DNPEP: variants seen among roughly 807,000 people sequenced by gnomAD.
DNPEP encodes aspartyl aminopeptidase.
Under a neutral mutation model 59.1 loss-of-function variants are expected in DNPEP, and 46 were observed. The ratio of observed to expected loss-of-function variants is 0.78; its 90% CI spans 0.61 to 0.99. The LOEUF (loss-of-function observed/expected upper bound fraction) is 0.99. DNPEP is among the 50% of genes least tolerant of loss of function. The probability of loss-of-function intolerance (pLI) is 0.00; values close to 1 mark genes in which losing one functional copy is unlikely to be tolerated. For synonymous variants in DNPEP, 229 were observed against 242.2 expected (o/e 0.95, Z 0.50); for missense variants, 617 against 649.9 (o/e 0.95, Z 0.55).
At chr2:219,395,856 G>A (rs1303024870) in intron 1 of DNPEP, among the ~76,000 whole-genome samples, 1 of 152,184 alleles carries the variant, frequency 6.6e-6, no homozygotes, top group Non-Finnish European at 1.5e-5. Flanking sequence ...GTAACCTGCT[G>A]GCCTGTGACA....
In DNPEP at chr2:219,387,162, A is replaced by G. The variant is rs1953882071; in HGVS notation, c.38T>C (p.Val13Ala). The change falls in exon 2 of 15, where the codon GTG becomes GCG. Residue 13 changes from valine to alanine, a missense_variant and splice_region_variant. Transcript: ENST00000273075. ...TTTGCGGGCCTTACCGTTCATGGCC[A>G]CCTAGGGGAGGGGGATGCTCAGACT... ...GHSPTRGAMQ[V>A]AMNGKARKEA... 1 of 1,556,414 alleles carries G rather than the reference A, an allele frequency of 6.4e-7. No individual in the cohort carries two copies. The highest frequency in any genetic ancestry group is 1.7e-4 in the Middle Eastern group (1 of 5,756).
intron 9 of DNPEP, 109 bp from the exon 10 acceptor site, chr2:219,383,323 G>T: frequency 1.2e-6 from 1 of 857,712 alleles, no homozygotes; most frequent in Non-Finnish European, 1.9e-6. Context: ...CACCTTGGGT[G>T]TGCACATTCC....
rs572770336 is a variant in DNPEP, at chr2:219,383,289, T to C, written c.853-75A>G. ...GAACTCAGCCCACCAGCACCTTGGGTGTGCACGCTCCCCCATCCACCAGCA... is the reference window on the plus strand; with the variant it reads ...GAACTCAGCCCACCAGCACCTTGGGCGTGCACGCTCCCCCATCCACCAGCA... On this transcript the variant is annotated intron_variant, in intron 9 of 14. Transcript: ENST00000273075. 1.0e-5 allele frequency: 13 copies of C among 1,288,766 alleles called. No individual in the cohort carries two copies. In the South Asian group the frequency reaches 1.3e-4, roughly 13 times the overall value. The allele number at this position is 1,288,766 out of a possible 1,614,324, so 79.8% of individuals were successfully genotyped here.
rs1029740734 is a variant in DNPEP at position 219,372,236 on chromosome 2, T to C, written c.*2056A>G. 3.9e-5 allele frequency among the ~76,000 whole-genome samples: 6 copies of C among 152,144 alleles called. No homozygotes were observed. The highest frequency in any genetic ancestry group is 6.5e-5 in the Admixed American group (1 of 15,280). Reference sequence around the variant, plus strand: ...CATTCTGTTATACAAAAGGAAACCATTACAAAAAGGCTAAGGCCCTTTTGT... The same window carrying C: ...CATTCTGTTATACAAAAGGAAACCACTACAAAAAGGCTAAGGCCCTTTTGT... On this transcript the variant is annotated 3_prime_UTR_variant, in exon 15 of 15. Transcript: ENST00000273075.
chr2:219,392,674 C>A (rs1810204), upstream of DNPEP, among the ~76,000 whole-genome samples: 150,030 of 152,200 alleles, frequency 0.99, 73,977 homozygotes, highest in East Asian at 1. Flanking sequence ...ATGCCTGGCT[C>A]ATTTTTTGTA....
At chr2:219,387,526 G>A (rs1953901131) in intron 1 of DNPEP, 1 of 1,442,550 alleles carries the variant, frequency 6.9e-7, no homozygotes, top group South Asian at 1.5e-5. Context: ...CCAGCCCGGA[G>A]CCAAAGCCCT....
chr2:219,383,091 G>T, intron 10 of DNPEP, 40 bp downstream of exon 10: 1 of 1,577,818 alleles, frequency 6.3e-7, no homozygotes, highest in South Asian at 1.1e-5. Context: ...GGCTGTGGAA[G>T]ACTCCGCAGA....
chr2:219,385,442 A>C lies in DNPEP; in HGVS notation c.756T>G (p.Leu252=), dbSNP rs1309748158. ...TCCTCACCGCAGGCTGGGTGTCTGC[A>C]AGGCAGAGCTCCATCTCCACTATGT... The part of the protein sequence containing the change: ...PKDIVEMELC[L]ADTQPAVLGG... The change falls in exon 8 of 15, where the codon CTT becomes CTG. Residue 252 remains leucine, a synonymous_variant. Coordinates refer to ENST00000273075, the MANE Select transcript of DNPEP (RefSeq NM_012100.4). 1 of 1,610,660 alleles carries C rather than the reference A, an allele frequency of 6.2e-7. No individual in the cohort carries two copies. Among genetic ancestry groups the C allele is most frequent in the African/African-American group, 1.3e-5 (1 of 74,854 alleles).
intron 13 of DNPEP, among the ~76,000 whole-genome samples, chr2:219,376,675 T>G (rs1039630903): frequency 1.3e-5 from 2 of 152,146 alleles, no homozygotes; most frequent in African/African-American, 4.8e-5. Flanking sequence ...GAAGTTCCAC[T>G]TCACAGAAGA....
In DNPEP at chr2:219,373,340, C is replaced by T. The variant is rs1172017415; in HGVS notation, c.*952G>A. On this transcript the variant is annotated 3_prime_UTR_variant, in exon 15 of 15. Transcript: ENST00000273075. Reference sequence around the variant, plus strand: ...ACCTCAGCCTCCTAAAGTGCTGGGACTACAGGCATGACCCATCACGCCTGG... The same window carrying T: ...ACCTCAGCCTCCTAAAGTGCTGGGATTACAGGCATGACCCATCACGCCTGG... 6.6e-6 allele frequency among the ~76,000 whole-genome samples: 1 copy of T among 151,944 alleles called. No homozygotes were observed. Among genetic ancestry groups the T allele is most frequent in the Non-Finnish European group, 1.5e-5 (1 of 67,986 alleles).
intron 1 of DNPEP, among the ~76,000 whole-genome samples, chr2:219,398,032 G>A (rs1258447892): frequency 6.6e-6 from 1 of 152,152 alleles, no homozygotes; most frequent in Non-Finnish European, 1.5e-5. Flanking sequence ...ATCACACCTG[G>A]CCCAGAGAGC....
rs750037762 is a variant in DNPEP at position 219,386,881 on chromosome 2, AC to A, written c.219+10del. The A allele has an allele frequency of 2.9e-5, 38 of 1,294,328 alleles. No homozygotes were observed. In the South Asian group the frequency reaches 3.8e-4, roughly 13 times the overall value. The allele number at this position is 1,294,328 out of a possible 1,614,324, so 80.2% of individuals were successfully genotyped here. A position where few individuals can be genotyped will look rare whatever the true frequency, so the allele number is the denominator to read the frequency against. ...GGACCTGCCTTTCCACCCCCACCCC[AC>A]CCCCAGTACCTTGCTCTCGGGCTTA... On this transcript the variant is annotated intron_variant, in intron 3 of 14. Coordinates refer to ENST00000273075, the MANE Select transcript of DNPEP (RefSeq NM_012100.4).
chr2:219,378,305 C>G (rs1953452811), intron 13 of DNPEP, among the ~76,000 whole-genome samples: 1 of 152,212 alleles, frequency 6.6e-6, no homozygotes, highest in African/African-American at 2.4e-5. Flanking sequence ...CCTGGCTCTA[C>G]CATCCTGCCT....
In DNPEP at chr2:219,386,545, C is replaced by T. The variant is rs966067493; in HGVS notation, c.333+120G>A. 106 of 1,459,944 alleles carry T rather than the reference C, an allele frequency of 7.3e-5. 1 individual carries two copies. In the Middle Eastern group the frequency reaches 2.1e-3, roughly 29 times the overall value. 90.4% of individuals were successfully genotyped at this position (1,459,944 alleles called of 1,614,324 possible). On this transcript the variant is annotated intron_variant, in intron 4 of 14. Coordinates refer to ENST00000273075, the MANE Select transcript of DNPEP (RefSeq NM_012100.4). ...CTCAAGGTGTGAAGGAAGGGGCCAACAAGTTTACCTTCTCCCTTACTCCAG... is the reference window on the plus strand; with the variant it reads ...CTCAAGGTGTGAAGGAAGGGGCCAATAAGTTTACCTTCTCCCTTACTCCAG...
intron 1 of DNPEP, among the ~76,000 whole-genome samples, chr2:219,395,347 C>T (rs568273345): frequency 9.2e-5 from 14 of 152,284 alleles, no homozygotes; most frequent in Non-Finnish European, 1.9e-4. Flanking sequence ...CGCATTTTCA[C>T]TCAACACCTG....
chr2:219,395,506 T>G (rs1041432405), intron 1 of DNPEP, among the ~76,000 whole-genome samples: 14 of 152,208 alleles, frequency 9.2e-5, no homozygotes, highest in Non-Finnish European at 1.9e-4. Flanking sequence ...CAGGATTTCT[T>G]AGCTCAGAAC....
chr2:219,386,008 T>C lies in DNPEP; in HGVS notation c.550A>G (p.Asn184Asp), dbSNP rs767415848. The change falls in exon 6 of 15, where the codon AAT (asparagine) becomes GAT (aspartate). Residue 184 changes from asparagine (N) to aspartate (D), a missense_variant. Physicochemically the swap from Asn to Asp is conservative, Grantham distance 23. Coordinates refer to ENST00000273075, the MANE Select transcript of DNPEP (RefSeq NM_012100.4). ...TTGGGCCCAAAGTTCTCGTTGATATTTCGCTGCAGATGGATGGCCAGGTGT... is the reference window on the plus strand; with the variant it reads ...TTGGGCCCAAAGTTCTCGTTGATATCTCGCTGCAGATGGATGGCCAGGTGT... ...IPHLAIHLQR[N>D]INENFGPNTE... 6.2e-7 allele frequency: 1 copy of C among 1,614,158 alleles called. No individual in the cohort carries two copies. Among genetic ancestry groups the C allele is most frequent in the South Asian group, 1.1e-5 (1 of 91,084 alleles).
chr2:219,381,798 T>C, intron 11 of DNPEP, 181 bp downstream of exon 11: 1 of 855,620 alleles, frequency 1.2e-6, no homozygotes, highest in Non-Finnish European at 1.8e-6. Context: ...ACACCTGGGT[T>C]AGGCATTGCA....
intron 13 of DNPEP, among the ~76,000 whole-genome samples, chr2:219,379,063 G>A (rs4674387): frequency 0.34 from 51,671 of 151,688 alleles, 8,915 homozygotes; most frequent in Middle Eastern, 0.43. Context: ...GATTACAGGC[G>A]CACACCACCA....
Sources: allele counts gnomAD v4.1 joint callset (sites outside exome capture counted in the v4.1 genomes callset), GRCh38; gene constraint gnomAD v4.1.1; transcripts MANE v1.5; gene names NCBI Gene and HGNC (gene_info 2026-07-23, HGNC 2026-07-21).